Variants in TPR observed in about 807,000 individuals in gnomAD.
TPR encodes translocated promoter region, nuclear basket protein.
A neutral mutation model predicts 316.1 loss-of-function variants in TPR; 51 were observed. That is an observed-to-expected ratio of 0.16 (90% CI 0.13 to 0.20). The LOEUF (loss-of-function observed/expected upper bound fraction) is 0.20, where lower values mean the gene tolerates loss of function less well. Ranked by LOEUF, TPR falls within the 10% of genes least tolerant of loss-of-function variation. The pLI, the probability that TPR is intolerant of heterozygous loss-of-function variation, is 1.00. For missense variants in TPR, 2,272 were observed against 2,754.8 expected (o/e 0.82, Z 3.92); for synonymous variants, 981 against 914.7 (o/e 1.07, Z -1.31).
intron 39 of TPR, among the ~76,000 whole-genome samples, chr1:186,328,470 T>C (rs953220340): frequency 2.0e-5 from 3 of 152,164 alleles, no homozygotes; most frequent in African/African-American, 7.2e-5. Flanking sequence ...TTTATATTTG[T>C]ATCAATTTGG....
rs1270299290 is a variant in TPR at position 186,357,306 on chromosome 1, C to T, written c.1724+91G>A. 8.3e-6 allele frequency: 11 copies of T among 1,318,076 alleles called. No individual in the cohort carries two copies. In the Admixed American group the frequency reaches 2.2e-4, roughly 27 times the overall value. 81.6% of individuals were successfully genotyped at this position (1,318,076 alleles called of 1,614,324 possible). Reference sequence around the variant, plus strand: ...CAAATGATACCCCATTTAGGCCTCCCAAAACGTTGGGATTACAGGCATGAG... The same window carrying T: ...CAAATGATACCCCATTTAGGCCTCCTAAAACGTTGGGATTACAGGCATGAG... On this transcript the variant is annotated intron_variant, in intron 14 of 50. Coordinates refer to ENST00000367478, the MANE Select transcript of TPR (RefSeq NM_003292.3).
chr1:186,343,153 C>T, intron 27 of TPR, 173 bp downstream of exon 27: 1 of 734,496 alleles, frequency 1.4e-6, no homozygotes, highest in Non-Finnish European at 1.9e-6. Context: ...GTTACAGAGC[C>T]TTTACTTTTA....
At chr1:186,336,391 C>T (rs756156905) in intron 33 of TPR, 105 bp downstream of exon 33, 2 of 1,061,598 alleles carry the variant, frequency 1.9e-6, no homozygotes, top group Non-Finnish European at 2.8e-6. Context: ...CACACACAAA[C>T]ACCCTTCATA....
Position 186,358,629 on chromosome 1 carries a change from C to T in TPR, c.1411G>A (p.Asp471Asn), listed in dbSNP as rs1659095301. ...AMKEIQRLQE[D>N]TDKANKQSSV... ...GATTGCTTGTTGGCTTTATCAGTGT[C>T]CTCCTGCAATCGCTGAATCTCCTTT... Residue 471 changes from aspartate to asparagine, a missense_variant, in exon 13 of 51, where the codon GAC becomes AAC. This residue lies in a region of TPR where 549 missense variants were observed against 598.6 expected (regional missense o/e 0.92). Coordinates refer to ENST00000367478, the MANE Select transcript of TPR (RefSeq NM_003292.3). 6.2e-7 allele frequency: 1 copy of T among 1,611,940 alleles called. No homozygotes were observed. The highest frequency in any genetic ancestry group is 1.3e-5 in the African/African-American group (1 of 74,774).
At chr1:186,343,765 A>C in intron 26 of TPR, 141 bp downstream of exon 26, 1 of 906,226 alleles carries the variant, frequency 1.1e-6, no homozygotes, top group South Asian at 2.0e-5. Flanking sequence ...TGTAAATGTT[A>C]AAAGTTATGA....
Position 186,318,489 on chromosome 1 carries a change from C to T in TPR, c.6779G>A (p.Gly2260Asp). 6.2e-7 allele frequency: 1 copy of T among 1,613,634 alleles called. No individual in the cohort carries two copies. Among genetic ancestry groups the T allele is most frequent in the East Asian group, 2.2e-5 (1 of 44,874 alleles). The change falls in exon 48 of 51, where the codon GGT becomes GAT. Residue 2260 changes from glycine (G) to aspartate (D), a missense_variant. This residue lies in a region of TPR where 123 missense variants were observed against 142.3 expected (regional missense o/e 0.86). Transcript: ENST00000367478. ...TLSTTNETAT[G>D]DDGDEVFVEA... Reference sequence around the variant, plus strand: ...CACAAATACTTCATCTCCATCATCACCTGTTGCTGTTTCATTTGTTGTAGA... The same window carrying T: ...CACAAATACTTCATCTCCATCATCATCTGTTGCTGTTTCATTTGTTGTAGA...
chr1:186,337,181 C>T (rs1352605257), intron 31 of TPR, 25 bp from the exon 32 acceptor site: 3 of 1,598,314 alleles, frequency 1.9e-6, no homozygotes, highest in Admixed American at 1.7e-5. Flanking sequence ...AGTAATAATA[C>T]ACTCACATAT....
chr1:186,324,447 T>C (rs1057323861), intron 42 of TPR, among the ~76,000 whole-genome samples: 2 of 152,184 alleles, frequency 1.3e-5, no homozygotes, highest in Non-Finnish European at 1.5e-5. Flanking sequence ...CTCTCAAATG[T>C]CTGGGTATTC....
intron 22 of TPR, 109 bp from the exon 23 acceptor site, chr1:186,346,396 T>C: frequency 8.8e-7 from 1 of 1,134,092 alleles, no homozygotes; most frequent in Non-Finnish European, 1.2e-6. Flanking sequence ...TTAATGTTTG[T>C]TGTATATTAA....
rs762782784 is a variant in TPR at position 186,343,958 on chromosome 1, C to T, written c.3550G>A (p.Val1184Ile). 4 of 1,614,062 alleles carry T rather than the reference C, an allele frequency of 2.5e-6. No individual in the cohort carries two copies. The highest frequency in any genetic ancestry group is 2.2e-5 in the East Asian group (1 of 44,876). The change falls in exon 26 of 51, where the codon GTA (valine) becomes ATA (isoleucine). Residue 1184 changes from valine to isoleucine, a missense_variant. By Grantham distance (29) the Val-to-Ile change is conservative. Coordinates refer to ENST00000367478, the MANE Select transcript of TPR (RefSeq NM_003292.3). ...VKEGVQGPLN[V>I]SLSEEGKSQE... ...GATTTTCCTTCTTCACTGAGAGATA[C>T]ATTCAGTGGACCTTGTACACCTTCC...
At position 186,334,444 on chromosome 1, in the gene TPR, C is replaced by A. The variant is rs374223199; in HGVS notation, c.5063G>T (p.Gly1688Val). The change falls in exon 36 of 51, where the codon GGA (glycine) becomes GTA (valine). Residue 1688 changes from glycine to valine, a missense_variant. Gly to Val is a moderately radical substitution (Grantham distance 109, BLOSUM62 -3). Around this residue, in one of 10 missense-constraint regions of TPR, gnomAD observed 109 missense variants for 215.3 expected, o/e 0.51. Transcript: ENST00000367478. ...ACTAGCCCTGGGTGTTGACTTATTT[C>A]CAGCCATAGCTGCAGCTGTCACTTT... Reference protein sequence around the residue: ...PSKVTAAAMAGNKSTPRASIR... With the variant: ...PSKVTAAAMAVNKSTPRASIR... 5.0e-6 allele frequency: 8 copies of A among 1,613,504 alleles called. No individual in the cohort carries two copies. The highest frequency in any genetic ancestry group is 1.7e-5 in the Admixed American group (1 of 59,936).
chr1:186,327,034 AATAT>A (rs1260479386), intron 40 of TPR, among the ~76,000 whole-genome samples: 1 of 46,744 alleles, frequency 2.1e-5, no homozygotes, highest in African/African-American at 8.6e-5. Flanking sequence ...TATATATATA[AATAT>A]ATATAAATAT....
At chr1:186,362,523 A>G (rs897094462) in intron 6 of TPR, 143 bp from the exon 7 acceptor site, 3 of 667,160 alleles carry the variant, frequency 4.5e-6, no homozygotes, top group Non-Finnish European at 7.6e-6. Context: ...ATTTAAGAAA[A>G]CTAAGAGTAA....
At chr1:186,318,359 C>T in intron 48 of TPR, 88 bp downstream of exon 48, 1 of 1,440,398 alleles carries the variant, frequency 6.9e-7, no homozygotes, top group South Asian at 1.4e-5. Flanking sequence ...CAAAACACAA[C>T]TTTGCAGATT....
chr1:186,318,598 C>T lies in TPR; in HGVS notation c.6670G>A (p.Val2224Ile). The T allele has an allele frequency of 6.2e-7, 1 of 1,607,524 alleles. No homozygotes were observed. Among genetic ancestry groups the T allele is most frequent in the Non-Finnish European group, 8.5e-7 (1 of 1,178,312 alleles). The change falls in exon 48 of 51, where the codon GTA becomes ATA. Residue 2224 changes from valine (V) to isoleucine (I), a missense_variant. By Grantham distance (29) the Val-to-Ile change is conservative. Coordinates refer to ENST00000367478, the MANE Select transcript of TPR (RefSeq NM_003292.3). Reference sequence around the variant, plus strand: ...TCAGAGGTGGTGCTCTCAGTAAATACAGTCACTTTAAAAAGACAACACAAG... The same window carrying T: ...TCAGAGGTGGTGCTCTCAGTAAATATAGTCACTTTAAAAAGACAACACAAG... Reference protein sequence around the residue: ...TPLQVAAPVTVFTESTTSDAS... With the variant: ...TPLQVAAPVTIFTESTTSDAS...
At chr1:186,334,671 C>T (rs1325366235) in intron 35 of TPR, 138 bp from the exon 36 acceptor site, 2 of 902,322 alleles carry the variant, frequency 2.2e-6, no homozygotes, top group East Asian at 5.3e-5. Context: ...TGAATTTAAG[C>T]ATTAAAAACT....
intron 38 of TPR, 115 bp downstream of exon 38, chr1:186,332,080 T>C: frequency 1.8e-6 from 2 of 1,137,412 alleles, no homozygotes; most frequent in Non-Finnish European, 2.4e-6. Flanking sequence ...AATAAAAGTG[T>C]TTTCCAGATA....
At chr1:186,362,791 G>T (rs770384613) in intron 6 of TPR, 46 bp downstream of exon 6, 4 of 1,490,232 alleles carry the variant, frequency 2.7e-6, no homozygotes, top group Non-Finnish European at 3.6e-6. Context: ...ACATACAAAT[G>T]TAAGTTATAC....
At chr1:186,374,786 G>A (rs1427706600) in intron 1 of TPR, 92 bp downstream of exon 1, 10 of 1,351,850 alleles carry the variant, frequency 7.4e-6, no homozygotes, top group Non-Finnish European at 1.0e-5. Context: ...GGTTAACAGA[G>A]CGGTACCCAG....
Sources: gnomAD v4.1 joint callset for allele counts (sites outside exome capture counted in the v4.1 genomes callset) on GRCh38, gnomAD v4.1.1 for gene constraint, gnomAD v4.1.1 regional missense constraint, MANE v1.5 for transcripts, NCBI Gene and HGNC (gene_info 2026-07-23, HGNC 2026-07-21) for gene names.